The following EIF4G3 variants were observed in gnomAD, a reference collection of about 807,000 sequenced individuals.
The protein encoded by EIF4G3 is eukaryotic translation initiation factor 4 gamma 3, also known as eIF-4-gamma 3.
EIF4G3 carries 34 observed loss-of-function variants against 186.4 expected under a neutral mutation model. That is an observed-to-expected ratio of 0.18 (90% CI 0.14 to 0.24). The LOEUF (loss-of-function observed/expected upper bound fraction) is 0.24, where lower values mean the gene tolerates loss of function less well. Ranked by LOEUF, EIF4G3 falls within the 10% of genes least tolerant of loss-of-function variation. The probability of loss-of-function intolerance (pLI) is 1.00; values close to 1 mark genes in which losing one functional copy is unlikely to be tolerated. For missense variants in EIF4G3, 1,536 were observed against 1,948.5 expected (o/e 0.79, Z 3.99); for synonymous variants, 673 against 679.5 (o/e 0.99, Z 0.15).
At chr1:20,934,269 G>A (rs1442951773) in intron 14 of EIF4G3, among the ~76,000 whole-genome samples, 1 of 152,194 alleles carries the variant, frequency 6.6e-6, no homozygotes, top group African/African-American at 2.4e-5. Flanking sequence ...TAGTTGAATA[G>A]TGAAAAGAAT....
intron 19 of EIF4G3, among the ~76,000 whole-genome samples, chr1:20,881,564 A>C (rs773493105): frequency 6.6e-6 from 1 of 152,136 alleles, no homozygotes; most frequent in East Asian, 1.9e-4. Flanking sequence ...GGGTGGGTGC[A>C]CTGTTTGAGC....
intron 12 of EIF4G3, among the ~76,000 whole-genome samples, chr1:20,952,677 C>T (rs781707543): frequency 2.6e-5 from 4 of 152,062 alleles, no homozygotes; most frequent in Admixed American, 6.6e-5. Context: ...GATGAAACCC[C>T]GTCTCTACCA....
rs775464173 is a variant in EIF4G3 at position 20,886,381 on chromosome 1, G to A, written c.2254-10C>T. The A allele has an allele frequency of 1.9e-6, 3 of 1,611,918 alleles. No homozygotes were observed. In the South Asian group the frequency reaches 3.3e-5, roughly 18 times the overall value. ...ACCCAACATTCAACAACTAGGACAA[G>A]AATATTACAGCTATTCAGAGTACTT... On this transcript the variant is annotated splice_polypyrimidine_tract_variant and intron_variant, in intron 18 of 36. Coordinates refer to ENST00000602326, the MANE Select transcript of EIF4G3 (RefSeq NM_001391906.1).
chr1:21,164,211 T>G (rs778213234), intron 2 of EIF4G3, among the ~76,000 whole-genome samples: 15 of 152,334 alleles, frequency 9.8e-5, no homozygotes, highest in Middle Eastern at 3.4e-3. Flanking sequence ...TAACTCATAA[T>G]TTCAATTATT....
intron 2 of EIF4G3, among the ~76,000 whole-genome samples, chr1:21,167,303 T>C (rs1224727035): frequency 6.6e-6 from 1 of 152,196 alleles, no homozygotes; most frequent in Non-Finnish European, 1.5e-5. Context: ...CCTCTTTCCC[T>C]CATCCCGCAT....
chr1:20,986,074 C>A (rs762985116), intron 7 of EIF4G3, among the ~76,000 whole-genome samples: 1 of 152,144 alleles, frequency 6.6e-6, no homozygotes, highest in Non-Finnish European at 1.5e-5. Context: ...TCAATCATAA[C>A]CCTCTCCCTA....
chr1:21,142,372 C>T (rs2097355607), intron 2 of EIF4G3, among the ~76,000 whole-genome samples: 1 of 149,782 alleles, frequency 6.7e-6, no homozygotes, highest in African/African-American at 2.5e-5. Flanking sequence ...CAGTGTGGTG[C>T]ACCATGTGCC....
At chr1:21,076,910 A>G (rs2095606198) in intron 3 of EIF4G3, among the ~76,000 whole-genome samples, 1 of 152,190 alleles carries the variant, frequency 6.6e-6, no homozygotes, top group Admixed American at 6.6e-5. Context: ...GGTAAAATCT[A>G]AAAAGAGAAA....
At chr1:20,926,680 GAAAAA>G (rs376198678) in intron 14 of EIF4G3, among the ~76,000 whole-genome samples, 1 of 124,372 alleles carries the variant, frequency 8.0e-6, no homozygotes, top group African/African-American at 3.1e-5. Context: ...AAAAAGAAAA[GAAAAA>G]AAAAAAAAAA....
At chr1:21,122,152 A>T (rs2096936890) in intron 2 of EIF4G3, among the ~76,000 whole-genome samples, 1 of 152,194 alleles carries the variant, frequency 6.6e-6, no homozygotes, top group South Asian at 2.1e-4. Flanking sequence ...TGTAAACAAT[A>T]AACATTAGGA....
At chr1:20,842,004 A>C (rs878899980) in intron 29 of EIF4G3, among the ~76,000 whole-genome samples, 1 of 151,734 alleles carries the variant, frequency 6.6e-6, no homozygotes, top group Admixed American at 6.6e-5. Flanking sequence ...TCCTTTATTT[A>C]ATACCTCCCT....
At chr1:20,861,784 G>C (rs2076404266) in intron 23 of EIF4G3, among the ~76,000 whole-genome samples, 1 of 152,086 alleles carries the variant, frequency 6.6e-6, no homozygotes, top group Admixed American at 6.5e-5. Context: ...GACCAGCCTG[G>C]CCAACAGCGT....
intron 26 of EIF4G3, 106 bp from the exon 27 acceptor site, chr1:20,853,783 A>T (rs1235802485): frequency 3.2e-5 from 25 of 787,092 alleles, no homozygotes; most frequent in Non-Finnish European, 4.3e-6. Flanking sequence ...CATTCCTAAC[A>T]AGCTTAGGTG....
chr1:21,061,930 T>C (rs536729312), intron 3 of EIF4G3, among the ~76,000 whole-genome samples: 2 of 151,792 alleles, frequency 1.3e-5, no homozygotes, highest in Admixed American at 1.3e-4. Context: ...GTATTTTTAA[T>C]AGGACAAGAT....
intron 7 of EIF4G3, among the ~76,000 whole-genome samples, chr1:20,996,069 T>G (rs943891475): frequency 1.6e-4 from 24 of 152,230 alleles, no homozygotes; most frequent in African/African-American, 5.8e-4. Flanking sequence ...TTTTCAATTA[T>G]AAACACTCTT....
chr1:21,112,659 A>G (rs923247916), intron 2 of EIF4G3, among the ~76,000 whole-genome samples: 4 of 152,212 alleles, frequency 2.6e-5, no homozygotes, highest in African/African-American at 9.6e-5. Context: ...TTCTCATTCT[A>G]GATATACCCA....
Position 20,825,301 on chromosome 1 carries a change from C to G in EIF4G3, c.4270-103G>C, listed in dbSNP as rs573757892. On this transcript the variant is annotated intron_variant, in intron 32 of 36. Coordinates refer to ENST00000602326, the MANE Select transcript of EIF4G3 (RefSeq NM_001391906.1). ...GCTTGAAGTCAAACAGTGCAAACCC[C>G]AAAAAGCTGAAAAATCAAAACGTTT... The G allele has an allele frequency of 3.7e-5, 32 of 865,054 alleles. No individual in the cohort carries two copies. In the South Asian group the frequency reaches 5.7e-4, roughly 15 times the overall value. 53.6% of individuals were successfully genotyped at this position (865,054 alleles called of 1,614,324 possible).
chr1:20,957,381 CA>C (rs1293580397), intron 12 of EIF4G3, among the ~76,000 whole-genome samples: 12 of 151,744 alleles, frequency 7.9e-5, no homozygotes, highest in Admixed American at 6.6e-4. Flanking sequence ...TGGAGTACAG[CA>C]AAAGAAGTGC....
Position 21,058,719 on chromosome 1 carries a change from CTTTTTTTTTTT to C in EIF4G3, c.-195-7736_-195-7726del, listed in dbSNP as rs66576703. Among the ~76,000 whole-genome samples the C allele has an allele frequency of 8.7e-3, 714 of 81,976 alleles. 2 individuals are homozygous for C. The highest frequency in any genetic ancestry group is 0.035 in the Middle Eastern group (4 of 114). The allele number at this position is 81,976 out of a possible 152,430, so 53.8% of individuals were successfully genotyped here. ...TTTTCTTCTTCTTCTCTCTCTCTCT[CTTTTTTTTTTT>C]TTTTTTTTTTTTTTTTTTTGTAGAG... On this transcript the variant is annotated intron_variant, in intron 3 of 36. Coordinates refer to ENST00000602326, the MANE Select transcript of EIF4G3 (RefSeq NM_001391906.1).
Sources: allele counts gnomAD v4.1 joint callset (sites outside exome capture counted in the v4.1 genomes callset), GRCh38; gene constraint gnomAD v4.1.1; transcripts MANE v1.5; gene names NCBI Gene and HGNC (gene_info 2026-07-23, HGNC 2026-07-21).